SLC5A9: variants seen among roughly 807,000 people sequenced by gnomAD.
SLC5A9 encodes the protein solute carrier family 5 member 9.
SLC5A9 carries 59 observed loss-of-function variants against 70.9 expected under a neutral mutation model. The ratio of observed to expected loss-of-function variants is 0.83; its 90% CI spans 0.68 to 1.03. The LOEUF (loss-of-function observed/expected upper bound fraction) is 1.03, where lower values mean the gene tolerates loss of function less well. SLC5A9 is among the 50% of genes least tolerant of loss of function. The pLI, the probability that SLC5A9 is intolerant of heterozygous loss-of-function variation, is 0.00. For missense variants in SLC5A9, 832 were observed against 881.1 expected, an observed-to-expected ratio of 0.94 and a Z score of 0.71; for synonymous variants, 340 against 346.5, an observed-to-expected ratio of 0.98 and a Z score of 0.21.
chr1:48,229,113 C>A (rs778642345), intron 3 of SLC5A9, 159 bp downstream of exon 3: 1 of 1,614,092 alleles, frequency 6.2e-7, no homozygotes, highest in East Asian at 2.2e-5. Flanking sequence ...ATGAGGAAAT[C>A]AAGGTCTGGA....
At chr1:48,235,701 C>T (rs768008559) in intron 9 of SLC5A9, 28 bp from the exon 10 acceptor site, 29 of 1,613,084 alleles carry the variant, frequency 1.8e-5, no homozygotes, top group South Asian at 3.3e-5. Flanking sequence ...ATGGGCCAGC[C>T]GTTCACATGA....
At chr1:48,244,802 T>TTA (rs553085761) in intron 13 of SLC5A9, among the ~76,000 whole-genome samples, 4 of 124,644 alleles carry the variant, frequency 3.2e-5, no homozygotes, top group African/African-American at 1.4e-4. Context: ...TATATTTATA[T>TTA]TATATATAAA....
rs370392790 is a variant in SLC5A9, at chr1:48,239,204, G to A, written c.1462-118G>A. 3.9e-5 allele frequency: 29 copies of A among 739,126 alleles called. No individual in the cohort carries two copies. The African/African-American group carries it at 4.8e-4, about 12-fold the overall frequency. 45.8% of individuals were successfully genotyped at this position (739,126 alleles called of 1,614,324 possible). A position where few individuals can be genotyped will look rare whatever the true frequency, so the allele number is the denominator to read the frequency against. The stretch of plus-strand genomic sequence containing the variant: ...AGAACTCATTTTCCCATTAGTAGAT[G>A]GATTTGCCCAACATGGCAATAAACC... On this transcript the variant is annotated intron_variant, in intron 11 of 13. Coordinates refer to ENST00000438567, the MANE Select transcript of SLC5A9 (RefSeq NM_001011547.3). The surrounding 1 kb of genome is among the most constrained non-coding windows in gnomAD (Gnocchi z 4.2).
intron 5 of SLC5A9, among the ~76,000 whole-genome samples, chr1:48,231,088 C>A (rs1044834902): frequency 1.3e-5 from 2 of 152,170 alleles, no homozygotes; most frequent in Non-Finnish European, 2.9e-5. Flanking sequence ...GCAGAGACCA[C>A]AACCCACCTC....
chr1:48,228,797 A>G (rs1342664333), intron 2 of SLC5A9, 53 bp from the exon 3 acceptor site: 1 of 1,602,036 alleles, frequency 6.2e-7, no homozygotes, highest in Non-Finnish European at 8.5e-7. Context: ...CTCGCTCCAG[A>G]TTCATTCAGA....
Position 48,230,599 on chromosome 1 carries a change from G to T in SLC5A9, c.505-1G>T, listed in dbSNP as rs142592672. 1 of 1,613,494 alleles carries T rather than the reference G, an allele frequency of 6.2e-7. No homozygotes were observed. On this transcript the variant is annotated splice_acceptor_variant, in intron 4 of 13. Coordinates refer to ENST00000438567, the MANE Select transcript of SLC5A9 (RefSeq NM_001011547.3). LOFTEE classifies it high-confidence loss of function. ...GCCTCTTGGGTCCTGGCTCTCTGCAGACTGACATCTTCTCTGGAGCCCTCT... is the reference window on the plus strand; with the variant it reads ...GCCTCTTGGGTCCTGGCTCTCTGCATACTGACATCTTCTCTGGAGCCCTCT...
rs116427503 is a variant in SLC5A9, at chr1:48,242,663, G to A, written c.1837+47G>A. On this transcript the variant is annotated intron_variant, in intron 13 of 13. Transcript: ENST00000438567. ...GATACTCATCACAGAGGAACAGGGG[G>A]GACAGACCTATGTCATGGGCGGTCT... 1,444 of 1,536,884 alleles carry A rather than the reference G, an allele frequency of 9.4e-4. 10 individuals are homozygous for A. The African/African-American group carries it at 0.016, about 17-fold the overall frequency.
intron 8 of SLC5A9, 116 bp from the exon 9 acceptor site, chr1:48,233,539 T>G (rs1166220544): frequency 2.6e-6 from 2 of 756,246 alleles, no homozygotes; most frequent in Non-Finnish European, 4.6e-6. Flanking sequence ...CTTGTAGACA[T>G]GGGTCCCTGT....
rs1644475381 is a variant in SLC5A9, at chr1:48,247,691, C to T, written c.*148C>T. The T allele has an allele frequency of 1.4e-6, 1 of 736,552 alleles. No individual in the cohort carries two copies. The highest frequency in any genetic ancestry group is 2.3e-6 in the Non-Finnish European group (1 of 440,108). 45.6% of individuals were successfully genotyped at this position (736,552 alleles called of 1,614,324 possible). A position where few individuals can be genotyped will look rare whatever the true frequency, so the allele number is the denominator to read the frequency against. ...TCCCCTGAAGAGAATCCAACTCAAC[C>T]TGCACACTTGACAAGTGGAGAAACA... On this transcript the variant is annotated 3_prime_UTR_variant, in exon 14 of 14. Transcript: ENST00000438567.
At chr1:48,229,237 C>T in intron 3 of SLC5A9, 58 bp from the exon 4 acceptor site, 1 of 1,613,980 alleles carries the variant, frequency 6.2e-7, no homozygotes, top group South Asian at 1.1e-5. Flanking sequence ...GGGTGGGAAG[C>T]CGCCCCTCTG....
At chr1:48,228,553 A>G in intron 2 of SLC5A9, 2 of 372,194 alleles carry the variant, frequency 5.4e-6, no homozygotes, top group African/African-American at 2.1e-5. Flanking sequence ...GGAGGTCCAC[A>G]CTCCCCACTT....
In SLC5A9 at chr1:48,232,487, C is replaced by T. The variant is rs374218994; in HGVS notation, c.1018C>T (p.Arg340Trp). 19 of 1,614,046 alleles carry T rather than the reference C, an allele frequency of 1.2e-5. No individual in the cohort carries two copies. The highest frequency in any genetic ancestry group is 1.6e-4 in the Middle Eastern group (1 of 6,084). The change falls in exon 8 of 14, where the codon CGG becomes TGG. Residue 340 changes from arginine (R) to tryptophan (W), a missense_variant. Arg to Trp is a moderately radical substitution (Grantham distance 101). Coordinates refer to ENST00000438567, the MANE Select transcript of SLC5A9 (RefSeq NM_001011547.3). Reference protein sequence around the residue: ...FFIVMPGMISRALFPDEVGCV... With the variant: ...FFIVMPGMISWALFPDEVGCV... ...CATCGTCATGCCTGGCATGATCAGCCGGGCCCTGTTCCCAGGTAAGAACGA... is the reference window on the plus strand; with the variant it reads ...CATCGTCATGCCTGGCATGATCAGCTGGGCCCTGTTCCCAGGTAAGAACGA...
At chr1:48,243,914 A>G (rs540971072) in intron 13 of SLC5A9, among the ~76,000 whole-genome samples, 120 of 152,336 alleles carry the variant, frequency 7.9e-4, no homozygotes, top group Non-Finnish European at 1.4e-3. Flanking sequence ...AAGTAGATGA[A>G]TAAGACATTG....
At chr1:48,229,242 C>T (rs1644210469) in intron 3 of SLC5A9, 53 bp from the exon 4 acceptor site, 3 of 1,614,066 alleles carry the variant, frequency 1.9e-6, no homozygotes, top group Non-Finnish European at 2.5e-6. Context: ...GGAAGCCGCC[C>T]CTCTGTCTAC....
chr1:48,230,583 G>A lies in SLC5A9; in HGVS notation c.505-17G>A. Reference sequence around the variant, plus strand: ...GGCCTCGGGTGGTCTGGCCTCTTGGGTCCTGGCTCTCTGCAGACTGACATC... The same window carrying A: ...GGCCTCGGGTGGTCTGGCCTCTTGGATCCTGGCTCTCTGCAGACTGACATC... On this transcript the variant is annotated splice_polypyrimidine_tract_variant and intron_variant, in intron 4 of 13. Coordinates refer to ENST00000438567, the MANE Select transcript of SLC5A9 (RefSeq NM_001011547.3). The A allele has an allele frequency of 6.2e-7, 1 of 1,608,224 alleles. No homozygotes were observed. The highest frequency in any genetic ancestry group is 8.5e-7 in the Non-Finnish European group (1 of 1,174,910).
intron 13 of SLC5A9, 93 bp from the exon 14 acceptor site, chr1:48,247,242 C>G (rs1336133091): frequency 4.3e-6 from 5 of 1,172,184 alleles, no homozygotes; most frequent in South Asian, 4.1e-5. Flanking sequence ...CACCATCTCT[C>G]TCCCTCCCCT....
At chr1:48,232,624 A>G in intron 8 of SLC5A9, 122 bp downstream of exon 8, 1 of 1,294,576 alleles carries the variant, frequency 7.7e-7, no homozygotes, top group Non-Finnish European at 1.1e-6. Context: ...TTTGTCTATT[A>G]AGAATACATA....
chr1:48,232,328 C>T (rs763269062), intron 7 of SLC5A9, 39 bp from the exon 8 acceptor site: 1 of 1,609,482 alleles, frequency 6.2e-7, no homozygotes, highest in Non-Finnish European at 8.5e-7. Context: ...TGAGCCTCTC[C>T]TCTACCTGCG....
intron 13 of SLC5A9, among the ~76,000 whole-genome samples, chr1:48,243,744 C>A (rs776122894): frequency 6.6e-6 from 1 of 151,930 alleles, no homozygotes; most frequent in Non-Finnish European, 1.5e-5. Flanking sequence ...AAAAAAAAGG[C>A]GTCCCAGGAA....
Sources: allele counts gnomAD v4.1 joint callset (sites outside exome capture counted in the v4.1 genomes callset), GRCh38; gene constraint gnomAD v4.1.1; non-coding constraint Gnocchi (gnomAD v3.1); transcripts MANE v1.5; gene names NCBI Gene and HGNC (gene_info 2026-07-23, HGNC 2026-07-21).